Variants in IFNGR2 observed in about 807,000 individuals in gnomAD.
IFNGR2 encodes the protein interferon gamma receptor 2.
IFNGR2 carries 15 observed loss-of-function variants against 41.1 expected under a neutral mutation model. That is an observed-to-expected ratio of 0.37 (90% CI 0.24 to 0.56). IFNGR2 has a LOEUF of 0.56. Among genes scored for constraint, IFNGR2 ranks in the 20% least tolerant of loss-of-function variants. The probability of loss-of-function intolerance (pLI) is 0.81; values close to 1 mark genes in which losing one functional copy is unlikely to be tolerated. For missense variants in IFNGR2, 362 were observed against 415.7 expected (o/e 0.87, Z 1.12); for synonymous variants, 161 against 171.6 (o/e 0.94, Z 0.48).
intron 1 of IFNGR2, among the ~76,000 whole-genome samples, chr21:33,413,788 G>A (rs915273739): frequency 3.3e-5 from 5 of 151,434 alleles, no homozygotes; most frequent in South Asian, 2.1e-4. Flanking sequence ...TGGTGTTTCC[G>A]GGGGAGTATA....
chr21:33,404,187 G>A (rs1478956491), intron 1 of IFNGR2, among the ~76,000 whole-genome samples: 4 of 152,270 alleles, frequency 2.6e-5, no homozygotes, highest in Non-Finnish European at 5.9e-5. Flanking sequence ...AGTGCCTCCC[G>A]AAGGCCTGGC....
chr21:33,422,877 C>CAAAAAAAAAAAAA (rs71194843), intron 3 of IFNGR2, among the ~76,000 whole-genome samples: 1 of 34,948 alleles, frequency 2.9e-5, no homozygotes, highest in Non-Finnish European at 4.5e-5. Flanking sequence ...AACTCCATCT[C>CAAAAAAAAAAAAA]AAAAAAAAAA....
chr21:33,407,844 G>GCCC (rs1321355764), intron 1 of IFNGR2, among the ~76,000 whole-genome samples: 11 of 55,758 alleles, frequency 2.0e-4, no homozygotes, highest in African/African-American at 7.1e-4. Flanking sequence ...GATCCCCACC[G>GCCC]CACCCCCCCC....
chr21:33,435,939 C>T (rs901293645), intron 6 of IFNGR2, among the ~76,000 whole-genome samples: 5 of 146,540 alleles, frequency 3.4e-5, no homozygotes, highest in Non-Finnish European at 4.5e-5. Context: ...CGCCTGCAAT[C>T]CTAGCTACTT....
intron 2 of IFNGR2, among the ~76,000 whole-genome samples, chr21:33,416,948 A>G (rs1384378370): frequency 6.9e-6 from 1 of 144,540 alleles, no homozygotes; most frequent in African/African-American, 2.6e-5. Flanking sequence ...TTTTTGAGAC[A>G]AAGTCTCCGT....
intron 2 of IFNGR2, among the ~76,000 whole-genome samples, chr21:33,418,038 T>C (rs2083765762): frequency 6.6e-6 from 1 of 152,172 alleles, no homozygotes; most frequent in Non-Finnish European, 1.5e-5. Flanking sequence ...ATTTATTTAT[T>C]TTGAGACAGA....
intron 3 of IFNGR2, 77 bp from the exon 4 acceptor site, chr21:33,426,807 C>A: frequency 1.1e-6 from 1 of 913,820 alleles, no homozygotes; most frequent in Non-Finnish European, 1.8e-6. Flanking sequence ...ATATATATAG[C>A]ATTATATAAT....
At chr21:33,427,837 AT>A (rs2083851538) in intron 4 of IFNGR2, among the ~76,000 whole-genome samples, 1 of 103,436 alleles carries the variant, frequency 9.7e-6, no homozygotes, top group East Asian at 3.6e-4. Context: ...ACTTCATCTC[AT>A]TTCATCTTTT....
intron 1 of IFNGR2, among the ~76,000 whole-genome samples, chr21:33,412,863 A>G (rs893839143): frequency 6.6e-6 from 1 of 152,078 alleles, no homozygotes; most frequent in African/African-American, 2.4e-5. Context: ...CCAGGAGTTT[A>G]TTTCTATCTT....
intron 4 of IFNGR2, among the ~76,000 whole-genome samples, chr21:33,431,970 G>A (rs1016884907): frequency 3.9e-5 from 6 of 152,238 alleles, no homozygotes; most frequent in African/African-American, 1.4e-4. Context: ...CAGAAACACA[G>A]TTCTAAAGCT....
In IFNGR2 at chr21:33,426,866, T is replaced by C. The variant is rs968591114; in HGVS notation, c.413-18T>C. ...ATATGTGTATGTGTGTGGTTTTCTCTTTGTAATTCTTTTTCAGTGACTGTC... is the reference window on the plus strand; with the variant it reads ...ATATGTGTATGTGTGTGGTTTTCTCCTTGTAATTCTTTTTCAGTGACTGTC... On this transcript the variant is annotated intron_variant, in intron 3 of 6. Transcript: ENST00000290219. 14 of 1,611,124 alleles carry C rather than the reference T, an allele frequency of 8.7e-6. No individual in the cohort carries two copies. In the African/African-American group the frequency reaches 1.9e-4, roughly 22 times the overall value.
chr21:33,421,364 G>A, intron 2 of IFNGR2, 116 bp from the exon 3 acceptor site: 1 of 738,828 alleles, frequency 1.4e-6, no homozygotes, highest in Non-Finnish European at 2.4e-6. Flanking sequence ...GGGGGGAACT[G>A]TATGGTACAT....
At chr21:33,416,390 T>C (rs934514863) in intron 2 of IFNGR2, among the ~76,000 whole-genome samples, 1 of 152,196 alleles carries the variant, frequency 6.6e-6, no homozygotes, top group African/African-American at 2.4e-5. Context: ...AACTTTGGCA[T>C]GTATTTGTAT....
chr21:33,404,100 C>A (rs1046767702), intron 1 of IFNGR2, among the ~76,000 whole-genome samples: 1 of 152,266 alleles, frequency 6.6e-6, no homozygotes, highest in African/African-American at 2.4e-5. Flanking sequence ...CAAATTGAAT[C>A]CAGGGCTCCG....
intron 2 of IFNGR2, among the ~76,000 whole-genome samples, chr21:33,417,145 G>A (rs1234945780): frequency 6.6e-6 from 1 of 151,528 alleles, no homozygotes; most frequent in Non-Finnish European, 1.5e-5. Context: ...AGGCTGGAGT[G>A]CAGTGGCATG....
chr21:33,405,078 G>T (rs1382177164), intron 1 of IFNGR2, among the ~76,000 whole-genome samples: 1 of 147,638 alleles, frequency 6.8e-6, no homozygotes, highest in African/African-American at 2.5e-5. Flanking sequence ...CTCCCGCCTG[G>T]GCGACAGAGC....
chr21:33,414,370 TGTGTGCAC>T (rs1160681404), intron 1 of IFNGR2, among the ~76,000 whole-genome samples: 4 of 149,184 alleles, frequency 2.7e-5, no homozygotes, highest in African/African-American at 4.9e-5. Context: ...GCGTGTGTAG[TGTGTGCAC>T]GTGTGCACGT....
chr21:33,430,584 T>A lies in IFNGR2; in HGVS notation c.562-1593T>A, dbSNP rs950835034. Among the ~76,000 whole-genome samples the A allele has an allele frequency of 2.0e-5, 3 of 152,254 alleles. No individual in the cohort carries two copies. The East Asian group carries it at 5.8e-4, about 29-fold the overall frequency. On this transcript the variant is annotated intron_variant, in intron 4 of 6. Coordinates refer to ENST00000290219, the MANE Select transcript of IFNGR2 (RefSeq NM_005534.4). The stretch of plus-strand genomic sequence containing the variant: ...TGGCCTTCCGAGTAGCTGGGACTTA[T>A]AGGCATGCACCACCATGACCAGCTT...
intron 1 of IFNGR2, chr21:33,411,469 G>C (rs998887410): frequency 2.1e-6 from 1 of 470,862 alleles, no homozygotes; most frequent in African/African-American, 2.0e-5. Flanking sequence ...GAACAGGCGT[G>C]TGGAGGGCGG....
Sources: allele counts gnomAD v4.1 joint callset (sites outside exome capture counted in the v4.1 genomes callset), GRCh38; gene constraint gnomAD v4.1.1; transcripts MANE v1.5; gene names NCBI Gene and HGNC (gene_info 2026-07-23, HGNC 2026-07-21).